Variants in FGD4 observed in about 807,000 individuals in gnomAD.
FGD4 encodes FYVE, RhoGEF and PH domain-containing protein 4.
Under a neutral mutation model 102.0 loss-of-function variants are expected in FGD4, and 42 were observed. The observed-to-expected ratio is 0.41, with a 90% CI of 0.32 to 0.53. The LOEUF (loss-of-function observed/expected upper bound fraction) is 0.53. Among genes scored for constraint, FGD4 ranks in the 20% least tolerant of loss-of-function variants. The pLI is 0.21. For missense variants in FGD4, 902 were observed against 1,078.2 expected (o/e 0.84, Z 2.29); for synonymous variants, 380 against 375.7 (o/e 1.01, Z -0.13).
chr12:32,433,439 C>T (rs955503896), intron 1 of FGD4, among the ~76,000 whole-genome samples: 2 of 152,054 alleles, frequency 1.3e-5, no homozygotes, highest in Non-Finnish European at 2.9e-5. Context: ...ACCTCTGCCT[C>T]CCAGGTTCAA....
At chr12:32,533,428 T>G (rs957742575) in intron 1 of FGD4, among the ~76,000 whole-genome samples, 2 of 152,118 alleles carry the variant, frequency 1.3e-5, no homozygotes, top group Admixed American at 6.5e-5. Context: ...TTTCTTTTGT[T>G]TGTTTGTTTG....
rs1288286912 is a variant in FGD4 at position 32,508,123 on chromosome 12, G to A, written c.167-56014G>A. Among the ~76,000 whole-genome samples the A allele has an allele frequency of 2.0e-5, 3 of 152,314 alleles. No individual in the cohort carries two copies. The East Asian group carries it at 5.8e-4, about 29-fold the overall frequency. On this transcript the variant is annotated intron_variant, in intron 1 of 16. Coordinates refer to ENST00000534526, the MANE Select transcript of FGD4 (RefSeq NM_001370298.3). Reference sequence around the variant, plus strand: ...GGGATGAAGGGTACAGAGGGGAGGGGTTCCTCGGCTGTGCACGTGAGGTGC... The same window carrying A: ...GGGATGAAGGGTACAGAGGGGAGGGATTCCTCGGCTGTGCACGTGAGGTGC...
chr12:32,411,351 T>C (rs1345574814), intron 1 of FGD4, among the ~76,000 whole-genome samples: 1 of 151,346 alleles, frequency 6.6e-6, no homozygotes, highest in East Asian at 2.0e-4. Context: ...CTGACCAACA[T>C]GGTGAAACCC....
At chr12:32,632,899 C>T (rs1423021702) in intron 14 of FGD4, among the ~76,000 whole-genome samples, 1 of 151,744 alleles carries the variant, frequency 6.6e-6, no homozygotes, top group Middle Eastern at 3.2e-3. Flanking sequence ...TGTCACTCCA[C>T]TGTTTGGAAG....
chr12:32,505,598 T>C (rs1360688849), intron 1 of FGD4, among the ~76,000 whole-genome samples: 2 of 152,242 alleles, frequency 1.3e-5, no homozygotes, highest in African/African-American at 4.8e-5. Context: ...CATTTCTGTA[T>C]GGACTTAACC....
intron 1 of FGD4, among the ~76,000 whole-genome samples, chr12:32,405,185 A>G (rs1300902183): frequency 2.7e-5 from 4 of 150,846 alleles, no homozygotes; most frequent in Admixed American, 6.6e-5. Flanking sequence ...CACCCGCCTC[A>G]GCCTCCCGAA....
At chr12:32,535,882 C>T (rs557620293) in intron 1 of FGD4, among the ~76,000 whole-genome samples, 1 of 152,200 alleles carries the variant, frequency 6.6e-6, no homozygotes, top group African/African-American at 2.4e-5. Flanking sequence ...AACTTGTTGG[C>T]TCTTGTTTTC....
intron 10 of FGD4, among the ~76,000 whole-genome samples, chr12:32,618,782 G>C (rs1949604776): frequency 6.6e-6 from 1 of 152,128 alleles, no homozygotes; most frequent in Non-Finnish European, 1.5e-5. Context: ...ACCAGCCTGG[G>C]CAACATAGCA....
chr12:32,508,503 T>G (rs1402600235), intron 1 of FGD4, among the ~76,000 whole-genome samples: 2 of 152,214 alleles, frequency 1.3e-5, no homozygotes, highest in African/African-American at 2.4e-5. Context: ...TTCTTGATAT[T>G]TAGATTCTAA....
rs180683152 is a variant in FGD4, at chr12:32,644,470, A to G, written c.*3937A>G. On this transcript the variant is annotated 3_prime_UTR_variant, in exon 17 of 17. Transcript: ENST00000534526. The stretch of plus-strand genomic sequence containing the variant: ...CTTTCCATAGAAATGAACTTTTTCT[A>G]TCGAAATTGTTTAACTTAAATATTT... The G allele has an allele frequency of 3.3e-5, 5 of 152,310 alleles. No homozygotes were observed. Among genetic ancestry groups the G allele is most frequent in the Admixed American group, 1.3e-4 (2 of 15,292 alleles). 9.4% of individuals were successfully genotyped at this position (152,310 alleles called of 1,614,324 possible).
chr12:32,630,487 C>T (rs1243915913), intron 14 of FGD4, among the ~76,000 whole-genome samples: 1 of 151,844 alleles, frequency 6.6e-6, no homozygotes, highest in African/African-American at 2.4e-5. Context: ...TGAGACAAGC[C>T]TGGGCAACAT....
intron 1 of FGD4, among the ~76,000 whole-genome samples, chr12:32,562,920 GCTGTTGGGTACACCTCCCAGA>G (rs1944754362): frequency 6.6e-6 from 1 of 152,198 alleles, no homozygotes; most frequent in Admixed American, 6.5e-5. Flanking sequence ...TTCTCAATGA[GCTGTTGGGTACACCTCCCAGA>G]CGGGGTGGTG....
chr12:32,504,423 C>T (rs1938508037), intron 1 of FGD4, among the ~76,000 whole-genome samples: 1 of 152,136 alleles, frequency 6.6e-6, no homozygotes, highest in Non-Finnish European at 1.5e-5. Flanking sequence ...AGCAGTGAGA[C>T]CTGCCACCAT....
chr12:32,401,903 AT>A lies in FGD4; in HGVS notation c.166+1961del, dbSNP rs537785812. The stretch of plus-strand genomic sequence containing the variant: ...CACCATGCACAGCTAATTTTTGTAC[AT>A]TTTTTTTTTTTTTTTTGAGACGGAG... On this transcript the variant is annotated intron_variant, in intron 1 of 16. Coordinates refer to ENST00000534526, the MANE Select transcript of FGD4 (RefSeq NM_001370298.3). 7.3e-3 allele frequency among the ~76,000 whole-genome samples: 619 copies of A among 85,060 alleles called. 3 individuals carry two copies. The highest frequency in any genetic ancestry group is 0.012 in the African/African-American group (242 of 21,030). The allele number at this position is 85,060 out of a possible 152,430, so 55.8% of individuals were successfully genotyped here.
intron 4 of FGD4, among the ~76,000 whole-genome samples, chr12:32,595,642 T>C (rs1947832721): frequency 2.0e-5 from 3 of 152,236 alleles, no homozygotes; most frequent in African/African-American, 4.8e-5. Context: ...CTAGAGGAAC[T>C]GACTGTATAG....
intron 14 of FGD4, among the ~76,000 whole-genome samples, chr12:32,627,243 C>T (rs534034744): frequency 2.0e-5 from 3 of 152,224 alleles, no homozygotes; most frequent in Non-Finnish European, 2.9e-5. Flanking sequence ...CAACCTCCAC[C>T]TCCCGGGTTC....
chr12:32,417,677 C>G (rs1234034058), intron 1 of FGD4, among the ~76,000 whole-genome samples: 1 of 151,754 alleles, frequency 6.6e-6, no homozygotes, highest in East Asian at 1.9e-4. Context: ...AGGCTGGTCT[C>G]CAACGCCAGG....
intron 1 of FGD4, among the ~76,000 whole-genome samples, chr12:32,529,817 T>C (rs12302322): frequency 0.015 from 2,141 of 144,004 alleles, 67 homozygotes; most frequent in African/African-American, 0.054. Flanking sequence ...CACTCCAGCA[T>C]GGGTGACAGA....
intron 1 of FGD4, among the ~76,000 whole-genome samples, chr12:32,500,159 G>T (rs181362280): frequency 1.3e-5 from 2 of 152,290 alleles, no homozygotes; most frequent in East Asian, 3.9e-4. Context: ...GACAAATGAG[G>T]TTCTCGTTCC....
Sources: gnomAD v4.1 joint callset for allele counts (sites outside exome capture counted in the v4.1 genomes callset) on GRCh38, gnomAD v4.1.1 for gene constraint, MANE v1.5 for transcripts, NCBI Gene and HGNC (gene_info 2026-07-23, HGNC 2026-07-21) for gene names.